Variants in KIAA0825 observed in about 807,000 individuals in gnomAD.
KIAA0825 encodes uncharacterized protein KIAA0825.
A neutral mutation model predicts 147.6 loss-of-function variants in KIAA0825; 119 were observed. The ratio of observed to expected loss-of-function variants is 0.81; its 90% CI spans 0.69 to 0.94. The LOEUF (loss-of-function observed/expected upper bound fraction) is 0.94, where lower values mean the gene tolerates loss of function less well. KIAA0825 is among the 40% of genes least tolerant of loss of function. The pLI, the probability that KIAA0825 is intolerant of heterozygous loss-of-function variation, is 0.00. For missense variants in KIAA0825, 1,381 were observed against 1,472.7 expected (o/e 0.94, Z 1.02); for synonymous variants, 470 against 518.1 (o/e 0.91, Z 1.26).
At chr5:94,333,443 T>C (rs1476000408) in intron 20 of KIAA0825, among the ~76,000 whole-genome samples, 2 of 152,136 alleles carry the variant, frequency 1.3e-5, no homozygotes, top group East Asian at 3.8e-4. Flanking sequence ...TTTTTTTGCA[T>C]ATAGCTAGCC....
intron 6 of KIAA0825, among the ~76,000 whole-genome samples, chr5:94,479,263 T>C (rs1762226254): frequency 6.6e-6 from 1 of 152,072 alleles, no homozygotes; most frequent in Non-Finnish European, 1.5e-5. Context: ...CTCCTCCCCA[T>C]AACCCCACCC....
chr5:94,283,144 C>T (rs967405502), intron 20 of KIAA0825, among the ~76,000 whole-genome samples: 2 of 151,998 alleles, frequency 1.3e-5, no homozygotes, highest in Non-Finnish European at 2.9e-5. Context: ...CTGAGCTGAA[C>T]GGTTACTACA....
intron 5 of KIAA0825, among the ~76,000 whole-genome samples, chr5:94,492,938 C>T (rs562945264): frequency 3.3e-5 from 5 of 152,306 alleles, no homozygotes; most frequent in South Asian, 4.1e-4. Flanking sequence ...TGCATCTTTA[C>T]GGCGTCAGTT....
chr5:94,351,694 A>G (rs1783688407), intron 20 of KIAA0825, among the ~76,000 whole-genome samples: 1 of 152,230 alleles, frequency 6.6e-6, no homozygotes, highest in South Asian at 2.1e-4. Flanking sequence ...AAACTATACT[A>G]GAAGGCCATA....
At chr5:94,467,851 A>C (rs1484713708) in intron 10 of KIAA0825, among the ~76,000 whole-genome samples, 2 of 152,202 alleles carry the variant, frequency 1.3e-5, no homozygotes, top group Non-Finnish European at 2.9e-5. Flanking sequence ...AAGCAGTTGG[A>C]ATAATGGGGA....
At chr5:94,480,374 C>A (rs1762360495) in intron 6 of KIAA0825, among the ~76,000 whole-genome samples, 1 of 151,894 alleles carries the variant, frequency 6.6e-6, no homozygotes, top group South Asian at 2.1e-4. Context: ...TACTCTTTCA[C>A]CCTATTTAAA....
intron 20 of KIAA0825, among the ~76,000 whole-genome samples, chr5:94,318,137 A>G (rs1477159521): frequency 6.6e-6 from 1 of 151,766 alleles, no homozygotes; most frequent in African/African-American, 2.4e-5. Context: ...AAAAAGTTAA[A>G]ATTAATAAAA....
intron 2 of KIAA0825, among the ~76,000 whole-genome samples, chr5:94,573,104 G>A (rs561788095): frequency 1.5e-3 from 203 of 137,256 alleles, no homozygotes; most frequent in African/African-American, 5.2e-3. Flanking sequence ...CAGAAAAGCG[G>A]GACAACTCAA....
chr5:94,169,740 G>A (rs867900438), intron 20 of KIAA0825, among the ~76,000 whole-genome samples: 12 of 152,046 alleles, frequency 7.9e-5, no homozygotes, highest in South Asian at 2.1e-4. Context: ...GACTATGTTC[G>A]GAGCACTGTA....
intron 20 of KIAA0825, among the ~76,000 whole-genome samples, chr5:94,160,418 A>G (rs929445379): frequency 1.3e-5 from 2 of 150,110 alleles, no homozygotes; most frequent in Non-Finnish European, 3.0e-5. Context: ...TATACAGTAT[A>G]CATATGTATA....
chr5:94,605,836 G>GTT (rs1235459786), intron 1 of KIAA0825, among the ~76,000 whole-genome samples: 1 of 152,156 alleles, frequency 6.6e-6, no homozygotes, highest in Non-Finnish European at 1.5e-5. Context: ...GCTGGAAGCA[G>GTT]TTTCCCCTTG....
intron 20 of KIAA0825, among the ~76,000 whole-genome samples, chr5:94,325,865 T>C (rs922264474): frequency 6.6e-6 from 1 of 152,060 alleles, no homozygotes. Context: ...GAATACATAT[T>C]TTGGCCCTAA....
intron 20 of KIAA0825, among the ~76,000 whole-genome samples, chr5:94,277,857 C>A (rs960191353): frequency 2.6e-5 from 4 of 152,080 alleles, no homozygotes; most frequent in Non-Finnish European, 5.9e-5. Context: ...AGACTTGGAA[C>A]CAACCCAAAT....
Position 94,152,849 on chromosome 5 carries a change from AAAAAAATTATATATAT to A in KIAA0825, c.*1142_*1157del, listed in dbSNP as rs1236882290. ...AAAAAAAAAAAAAAAAAAAAAAAAA[AAAAAAATTATATATAT>A]ATATATATATATATATATATATATA... On this transcript the variant is annotated 3_prime_UTR_variant, in exon 21 of 21. Coordinates refer to ENST00000682413, the MANE Select transcript of KIAA0825 (RefSeq NM_001145678.3). The A allele has an allele frequency of 1.3e-4, 3 of 23,530 alleles. No homozygotes were observed. The highest frequency in any genetic ancestry group is 4.2e-4 in the African/African-American group (3 of 7,182). The allele number at this position is 23,530 out of a possible 1,614,324, so 1.5% of individuals were successfully genotyped here.
intron 5 of KIAA0825, chr5:94,519,330 A>G (rs1767737480): frequency 1.1e-6 from 1 of 903,938 alleles, no homozygotes; most frequent in South Asian, 5.1e-5. Flanking sequence ...ATAATTTTCA[A>G]ATACTTAAGC....
chr5:94,387,141 TAATA>T (rs1463142075), intron 18 of KIAA0825, among the ~76,000 whole-genome samples: 1 of 152,206 alleles, frequency 6.6e-6, no homozygotes, highest in Non-Finnish European at 1.5e-5. Flanking sequence ...TGCTTACTAT[TAATA>T]AATAAGTCAT....
At chr5:94,342,393 A>G (rs1782514745) in intron 20 of KIAA0825, among the ~76,000 whole-genome samples, 1 of 152,204 alleles carries the variant, frequency 6.6e-6, no homozygotes, top group African/African-American at 2.4e-5. Flanking sequence ...ACATTTTTAA[A>G]CAGTTGTTGT....
chr5:94,594,388 G>A (rs1255680555), intron 1 of KIAA0825: 3 of 766,366 alleles, frequency 3.9e-6, no homozygotes, highest in East Asian at 5.9e-5. Context: ...GAGGTACTAG[G>A]AGGAATCAAT....
chr5:94,292,300 G>A (rs1484253696), intron 20 of KIAA0825, among the ~76,000 whole-genome samples: 1 of 152,160 alleles, frequency 6.6e-6, no homozygotes, highest in Non-Finnish European at 1.5e-5. Flanking sequence ...CTAGTTTATT[G>A]AGAGTTTTTA....
Sources: gnomAD v4.1 joint callset for allele counts (sites outside exome capture counted in the v4.1 genomes callset) on GRCh38, gnomAD v4.1.1 for gene constraint, MANE v1.5 for transcripts, NCBI Gene and HGNC (gene_info 2026-07-23, HGNC 2026-07-21) for gene names.